DYNC2H1: variants seen among roughly 807,000 people sequenced by gnomAD.
The protein encoded by DYNC2H1 is dynein cytoplasmic 2 heavy chain 1, also known as cytoplasmic dynein 2 heavy chain 1.
Under a neutral mutation model 570.0 loss-of-function variants are expected in DYNC2H1, and 410 were observed. The ratio of observed to expected loss-of-function variants is 0.72; its 90% CI spans 0.66 to 0.78. The LOEUF (loss-of-function observed/expected upper bound fraction) is 0.78, where lower values mean the gene tolerates loss of function less well. Ranked by LOEUF, DYNC2H1 falls within the 30% of genes least tolerant of loss-of-function variation. The probability of loss-of-function intolerance (pLI) is 0.00; values close to 1 mark genes in which losing one functional copy is unlikely to be tolerated. For synonymous variants in DYNC2H1, 1,688 were observed against 1,677.6 expected (o/e 1.01, Z -0.15); for missense variants, 4,865 against 5,046.4 (o/e 0.96, Z 1.09).
intron 70 of DYNC2H1, among the ~76,000 whole-genome samples, chr11:103,266,973 C>G (rs1054702377): frequency 1.3e-5 from 2 of 152,184 alleles, no homozygotes; most frequent in Admixed American, 6.5e-5. Flanking sequence ...CCATTCCTGG[C>G]CAGCTCTGCT....
At position 103,173,325 on chromosome 11, in the gene DYNC2H1, A is replaced by G; in HGVS notation, c.5558+20A>G. The G allele has an allele frequency of 6.9e-7, 1 of 1,439,986 alleles. No individual in the cohort carries two copies. Among genetic ancestry groups the G allele is most frequent in the Non-Finnish European group, 9.2e-7 (1 of 1,084,022 alleles). 89.2% of individuals were successfully genotyped at this position (1,439,986 alleles called of 1,614,324 possible). On this transcript the variant is annotated intron_variant, in intron 35 of 88. Transcript: ENST00000375735. ...ATCTAGGTGAGTTTTCTTGTTCTAA[A>G]TATTTTTATATTTTACATTTCTAAT...
At chr11:103,117,943 A>G (rs1858500861) in intron 6 of DYNC2H1, 80 bp downstream of exon 6, 2 of 1,208,064 alleles carry the variant, frequency 1.7e-6, no homozygotes, top group Non-Finnish European at 2.3e-6. Context: ...TTTATAATCA[A>G]TAAGCACTAT....
intron 84 of DYNC2H1, among the ~76,000 whole-genome samples, chr11:103,416,414 G>C (rs1943284979): frequency 6.6e-6 from 1 of 152,098 alleles, no homozygotes; most frequent in South Asian, 2.1e-4. Flanking sequence ...GGAGGCATCA[G>C]CTACCTGACT....
intron 4 of DYNC2H1, among the ~76,000 whole-genome samples, chr11:103,116,338 G>A (rs1183568850): frequency 1.3e-5 from 2 of 152,064 alleles, no homozygotes; most frequent in Admixed American, 1.3e-4. Flanking sequence ...GTAAATGAAT[G>A]AGTAGACTTT....
chr11:103,458,911 A>G (rs1389484788), intron 87 of DYNC2H1, among the ~76,000 whole-genome samples: 1 of 152,040 alleles, frequency 6.6e-6, no homozygotes, highest in Non-Finnish European at 1.5e-5. Context: ...GGCTCAAGCA[A>G]TCCACCTTCC....
chr11:103,236,563 T>G (rs1267673970), intron 63 of DYNC2H1, 24 bp downstream of exon 63: 6 of 1,284,154 alleles, frequency 4.7e-6, no homozygotes, highest in Non-Finnish European at 5.5e-6. Context: ...TTTAATTTTT[T>G]TATTAGAAAT....
At chr11:103,387,896 G>A (rs1026458773) in intron 83 of DYNC2H1, among the ~76,000 whole-genome samples, 2 of 152,100 alleles carry the variant, frequency 1.3e-5, no homozygotes, top group African/African-American at 4.8e-5. Flanking sequence ...TGCTGTTTTG[G>A]TTACTGTAGC....
intron 83 of DYNC2H1, among the ~76,000 whole-genome samples, chr11:103,374,109 G>A (rs1236350085): frequency 1.3e-5 from 2 of 151,960 alleles, no homozygotes; most frequent in South Asian, 2.1e-4. Flanking sequence ...CTTGTTTATC[G>A]ATTCAGCCAC....
Position 103,245,338 on chromosome 11 carries a change from C to T in DYNC2H1, c.10006C>T (p.Leu3336Phe). Residue 3336 changes from leucine (L) to phenylalanine (F), a missense_variant, in exon 65 of 89, where the codon CTT becomes TTT. Physicochemically the swap from Leu to Phe is conservative, Grantham distance 22. Coordinates refer to ENST00000375735, the MANE Select transcript of DYNC2H1 (RefSeq NM_001377.3). This position sits in a 1 kb window ranked among gnomAD's most constrained non-coding sequence, Gnocchi z 4.5. ...AGAGATGGATGGTGTAGAACCTGTT[C>T]TTTATCCATTATTGAGACGAGATCT... Reference protein sequence around the residue: ...IQEMDGVEPVLYPLLRRDLVA... With the variant: ...IQEMDGVEPVFYPLLRRDLVA... 6.3e-7 allele frequency: 1 copy of T among 1,583,038 alleles called. No individual in the cohort carries two copies. The highest frequency in any genetic ancestry group is 8.6e-7 in the Non-Finnish European group (1 of 1,163,632).
chr11:103,209,922 A>G lies in DYNC2H1; in HGVS notation c.8501A>G (p.Asn2834Ser), dbSNP rs1591412922. ...GAAACAGGTGGTGGAGAAAAATACA[A>G]TGATAAAAAACGAAAAGAAGAAAAG... ...FSETGGGEKY[N>S]DKKRKEEKKK... Residue 2834 changes from asparagine (N) to serine (S), a missense_variant, in exon 53 of 89, where the codon AAT becomes AGT. Transcript: ENST00000375735. This position sits in a 1 kb window ranked among gnomAD's most constrained non-coding sequence, Gnocchi z 4.2. The G allele has an allele frequency of 6.7e-7, 1 of 1,498,978 alleles. No individual in the cohort carries two copies. The highest frequency in any genetic ancestry group is 8.9e-7 in the Non-Finnish European group (1 of 1,122,150). 92.9% of individuals were successfully genotyped at this position (1,498,978 alleles called of 1,614,324 possible). A position where few individuals can be genotyped will look rare whatever the true frequency, so the allele number is the denominator to read the frequency against.
intron 25 of DYNC2H1, 52 bp downstream of exon 25, chr11:103,155,553 A>G: frequency 6.6e-7 from 1 of 1,514,978 alleles, no homozygotes; most frequent in African/African-American, 1.4e-5. Flanking sequence ...TTTAATATAC[A>G]ATATTGCTTC....
At chr11:103,381,968 G>A (rs774539469) in intron 83 of DYNC2H1, among the ~76,000 whole-genome samples, 7 of 152,026 alleles carry the variant, frequency 4.6e-5, no homozygotes, top group Non-Finnish European at 8.8e-5. Flanking sequence ...AATTCAGTAC[G>A]TTTGAAAACA....
rs1944748642 is a variant in DYNC2H1 at position 103,455,276 on chromosome 11, C to G, written c.12547C>G (p.Leu4183Val). 1 of 1,613,278 alleles carries G rather than the reference C, an allele frequency of 6.2e-7. No individual in the cohort carries two copies. The highest frequency in any genetic ancestry group is 1.7e-5 in the Admixed American group (1 of 60,016). ...CCATCCAGACACATTTCTTAATGCT[C>G]TTCGCCAGGAAACTGCAAGGTAATT... is the stretch of plus-strand genomic sequence containing the variant. ...LFHPDTFLNA[L>V]RQETARAVGR... The change falls in exon 86 of 89, where the codon CTT becomes GTT. Residue 4183 changes from leucine to valine, a missense_variant. Leu to Val is a conservative substitution (Grantham distance 32). Transcript: ENST00000375735.
In DYNC2H1 at chr11:103,153,365, AT is replaced by A. The variant is rs1427127755; in HGVS notation, c.3162del (p.Phe1054LeufsTer8). ...LQIYYQELEK[F>X]KARWDQLKPG... ...AGATCTATTATCAAGAACTGGAAAA[AT>A]TTAAAGCTCGTTGGGACCAACTAAA... On this transcript the variant is annotated frameshift_variant, in exon 22 of 89. Transcript: ENST00000375735. LOFTEE classifies it high-confidence loss of function. The A allele has an allele frequency of 6.5e-7, 1 of 1,548,836 alleles. No individual in the cohort carries two copies. The highest frequency in any genetic ancestry group is 8.7e-7 in the Non-Finnish European group (1 of 1,146,254).
At chr11:103,370,845 A>G (rs1262550410) in intron 83 of DYNC2H1, among the ~76,000 whole-genome samples, 1 of 152,120 alleles carries the variant, frequency 6.6e-6, no homozygotes, top group African/African-American at 2.4e-5. Context: ...CCTTTCTAAG[A>G]AGGTACAAAC....
chr11:103,239,642 AGT>A lies in DYNC2H1; in HGVS notation c.9819+3138_9819+3139del, dbSNP rs140380392. Among the ~76,000 whole-genome samples the A allele has an allele frequency of 0.06, 8,372 of 139,488 alleles. 227 individuals carry two copies. The highest frequency in any genetic ancestry group is 0.071 in the Non-Finnish European group (4,536 of 63,512). The allele number at this position is 139,488 out of a possible 152,430, so 91.5% of individuals were successfully genotyped here. A position where few individuals can be genotyped will look rare whatever the true frequency, so the allele number is the denominator to read the frequency against. On this transcript the variant is annotated intron_variant, in intron 63 of 88. Coordinates refer to ENST00000375735, the MANE Select transcript of DYNC2H1 (RefSeq NM_001377.3). This position sits in a 1 kb window ranked among gnomAD's most constrained non-coding sequence, Gnocchi z 4.3. ...CTCCTGTCTATACACTTCTCATAGG[AGT>A]GTGTGTGTGTGTGTGTGTGTGTGTG...
In DYNC2H1 at chr11:103,323,949, G is replaced by T; in HGVS notation, c.11998G>T (p.Ala4000Ser). The T allele has an allele frequency of 6.2e-7, 1 of 1,612,710 alleles. No homozygotes were observed. Among genetic ancestry groups the T allele is most frequent in the Non-Finnish European group, 8.5e-7 (1 of 1,179,178 alleles). ...CAAACCTAGTTTCTTTGGTCTGCCT[G>T]CCAATATCGCTCGCTCATCTCAGCG... ...DDKPSFFGLP[A>S]NIARSSQRMI... Residue 4000 changes from alanine (A) to serine (S), a missense_variant, in exon 82 of 89, where the codon GCC becomes TCC. Physicochemically the swap from Ala to Ser is moderately conservative, Grantham distance 99 (BLOSUM62 1). Around this residue, in one of 5 missense-constraint regions of DYNC2H1, gnomAD observed 2,401 missense variants for 2,454.6 expected, o/e 0.98. Coordinates refer to ENST00000375735, the MANE Select transcript of DYNC2H1 (RefSeq NM_001377.3).
chr11:103,176,307 C>T lies in DYNC2H1; in HGVS notation c.5747C>T (p.Thr1916Ile), dbSNP rs1357806332. The T allele has an allele frequency of 3.2e-6, 5 of 1,554,694 alleles. No individual in the cohort carries two copies. In the African/African-American group the frequency reaches 4.1e-5, roughly 13 times the overall value. The change falls in exon 37 of 89, where the codon ACC becomes ATC. Residue 1916 changes from threonine (T) to isoleucine (I), a missense_variant. Physicochemically the swap from Thr to Ile is moderately conservative, Grantham distance 89. Around this residue, in one of 5 missense-constraint regions of DYNC2H1, gnomAD observed 292 missense variants for 300.2 expected, o/e 0.97. Coordinates refer to ENST00000375735, the MANE Select transcript of DYNC2H1 (RefSeq NM_001377.3). ...TMSKFTFTDCTRFDALIKDVF... is the reference protein window; with the variant it reads ...TMSKFTFTDCIRFDALIKDVF... Reference sequence around the variant, plus strand: ...TCAAAGTTTACGTTTACTGATTGCACCCGGTTTGATGCACTGATAAAAGAT... The same window carrying T: ...TCAAAGTTTACGTTTACTGATTGCATCCGGTTTGATGCACTGATAAAAGAT...
At chr11:103,281,344 A>G (rs148330853) in intron 71 of DYNC2H1, among the ~76,000 whole-genome samples, 1 of 152,138 alleles carries the variant, frequency 6.6e-6, no homozygotes, top group African/African-American at 2.4e-5. Flanking sequence ...TATGATCAGT[A>G]TGTTCCATGA....
Sources: gnomAD v4.1 joint callset for allele counts (sites outside exome capture counted in the v4.1 genomes callset) on GRCh38, gnomAD v4.1.1 for gene constraint, gnomAD v4.1.1 regional missense constraint, Gnocchi (gnomAD v3.1) non-coding constraint, MANE v1.5 for transcripts, NCBI Gene and HGNC (gene_info 2026-07-23, HGNC 2026-07-21) for gene names.